PGGT1B: variants seen among roughly 807,000 people sequenced by gnomAD.
The protein encoded by PGGT1B is geranylgeranyl transferase type-1 subunit beta.
A neutral mutation model predicts 46.1 loss-of-function variants in PGGT1B; 30 were observed. The ratio of observed to expected loss-of-function variants is 0.65; its 90% CI spans 0.49 to 0.88. The LOEUF is 0.88. Ranked by LOEUF, PGGT1B falls within the 40% of genes least tolerant of loss-of-function variation. The pLI, the probability that PGGT1B is intolerant of heterozygous loss-of-function variation, is 0.00. For missense variants in PGGT1B, 376 were observed against 455.9 expected, an observed-to-expected ratio of 0.82 and a Z score of 1.60; for synonymous variants, 170 against 160.0, an observed-to-expected ratio of 1.06 and a Z score of -0.47.
At chr5:115,240,186 G>A (rs1757306609) in intron 3 of PGGT1B, among the ~76,000 whole-genome samples, 1 of 152,046 alleles carries the variant, frequency 6.6e-6, no homozygotes, top group African/African-American at 2.4e-5. Flanking sequence ...TCAGGGTGCA[G>A]GTGAATGAAG....
At chr5:115,224,272 CAGTA>C (rs1286174338) in intron 6 of PGGT1B, among the ~76,000 whole-genome samples, 1 of 151,942 alleles carries the variant, frequency 6.6e-6, no homozygotes, top group Non-Finnish European at 1.5e-5. Flanking sequence ...CTCTAATAGA[CAGTA>C]AGTAACCTTT....
intron 5 of PGGT1B, among the ~76,000 whole-genome samples, chr5:115,232,837 G>C (rs907741554): frequency 6.6e-6 from 1 of 152,116 alleles, no homozygotes; most frequent in Non-Finnish European, 1.5e-5. Context: ...GGCTCAAAGA[G>C]TGTAAATTTT....
At chr5:115,239,817 C>T (rs1381951849) in intron 3 of PGGT1B, among the ~76,000 whole-genome samples, 3 of 152,142 alleles carry the variant, frequency 2.0e-5, no homozygotes, top group Non-Finnish European at 4.4e-5. Context: ...TGCTAGAGAG[C>T]ATGGGATTTG....
chr5:115,254,469 G>T (rs995280376), intron 1 of PGGT1B, among the ~76,000 whole-genome samples: 1 of 152,004 alleles, frequency 6.6e-6, no homozygotes, highest in Admixed American at 6.6e-5. Flanking sequence ...GCACTTATGT[G>T]TGGAATTTTT....
At chr5:115,232,981 C>G (rs534400958) in intron 5 of PGGT1B, among the ~76,000 whole-genome samples, 1 of 151,420 alleles carries the variant, frequency 6.6e-6, no homozygotes, top group Admixed American at 6.6e-5. Flanking sequence ...ATAGAACAAC[C>G]CCAGCTACAA....
chr5:115,223,906 T>A (rs1756673464), intron 6 of PGGT1B, among the ~76,000 whole-genome samples: 1 of 152,232 alleles, frequency 6.6e-6, no homozygotes, highest in Admixed American at 6.5e-5. Context: ...GCAATTTAAA[T>A]GCCTTGTTCC....
chr5:115,221,756 C>T lies in PGGT1B; in HGVS notation c.843+68G>A, dbSNP rs75820630. ...AATATTTAATACACATTACAAAGAT[C>T]AAACCTTTTTAGCACAATCTATATG... On this transcript the variant is annotated intron_variant, in intron 7 of 8. Coordinates refer to ENST00000419445, the MANE Select transcript of PGGT1B (RefSeq NM_005023.4). 2,036 of 988,610 alleles carry T rather than the reference C, an allele frequency of 2.1e-3. 32 individuals are homozygous for T. In the African/African-American group the frequency reaches 0.03, roughly 15 times the overall value. 61.2% of individuals were successfully genotyped at this position (988,610 alleles called of 1,614,324 possible).
chr5:115,234,663 G>C (rs1048818071), intron 5 of PGGT1B, among the ~76,000 whole-genome samples: 1 of 151,864 alleles, frequency 6.6e-6, no homozygotes, highest in Non-Finnish European at 1.5e-5. Context: ...ATAGTACTTT[G>C]ACTATATGCC....
rs1756051333 is a variant in PGGT1B, at chr5:115,206,001, T to A, written c.*6401A>T. 1 of 151,896 alleles carries A rather than the reference T, an allele frequency of 6.6e-6. No homozygotes were observed. Among genetic ancestry groups the A allele is most frequent in the South Asian group, 2.1e-4 (1 of 4,824 alleles). 9.4% of individuals were successfully genotyped at this position (151,896 alleles called of 1,614,324 possible). Reference sequence around the variant, plus strand: ...CAATTACTTATGCACTGACCTAATATGTTTATGCAACGTGATACTATGCAA... The same window carrying A: ...CAATTACTTATGCACTGACCTAATAAGTTTATGCAACGTGATACTATGCAA... On this transcript the variant is annotated 3_prime_UTR_variant, in exon 9 of 9. Coordinates refer to ENST00000419445, the MANE Select transcript of PGGT1B (RefSeq NM_005023.4).
At chr5:115,227,564 A>G (rs746893955) in intron 6 of PGGT1B, among the ~76,000 whole-genome samples, 5 of 152,110 alleles carry the variant, frequency 3.3e-5, no homozygotes, top group Admixed American at 2.6e-4. Flanking sequence ...CACAGTCACA[A>G]TCTGGCAGGT....
At position 115,255,847 on chromosome 5, in the gene PGGT1B, C is replaced by T. The variant is rs571910073; in HGVS notation, c.141-2592G>A. ...TCAACACTAGACAATCAAAACTACTCAAGAAGTCTAAGTCCCAAAGTGGTA... is the reference window on the plus strand; with the variant it reads ...TCAACACTAGACAATCAAAACTACTTAAGAAGTCTAAGTCCCAAAGTGGTA... On this transcript the variant is annotated intron_variant, in intron 1 of 8. Coordinates refer to ENST00000419445, the MANE Select transcript of PGGT1B (RefSeq NM_005023.4). Among the ~76,000 whole-genome samples, 12 of 152,216 alleles carry T rather than the reference C, an allele frequency of 7.9e-5. No homozygotes were observed. In the Middle Eastern group the frequency reaches 0.014, roughly 173 times the overall value.
intron 6 of PGGT1B, among the ~76,000 whole-genome samples, chr5:115,230,325 CAG>C (rs1756937391): frequency 6.6e-6 from 1 of 152,104 alleles, no homozygotes; most frequent in South Asian, 2.1e-4. Context: ...GAAATTCACT[CAG>C]AGAGTCTCCA....
intron 1 of PGGT1B, 42 bp from the exon 2 acceptor site, chr5:115,253,297 C>T: frequency 1.3e-6 from 2 of 1,488,758 alleles, no homozygotes; most frequent in South Asian, 1.3e-5. Context: ...ACTATCATAC[C>T]ACTTAAGTCT....
intron 3 of PGGT1B, 130 bp from the exon 4 acceptor site, chr5:115,238,139 TA>T (rs1757240202): frequency 9.5e-6 from 5 of 526,692 alleles, no homozygotes. Context: ...ATAGACATCT[TA>T]TTGAGAAAAA....
chr5:115,243,970 G>A (rs138222923), intron 2 of PGGT1B, among the ~76,000 whole-genome samples: 238 of 152,016 alleles, frequency 1.6e-3, no homozygotes, highest in African/African-American at 5.4e-3. Context: ...CATGACGAAC[G>A]TTTCTGTGTT....
intron 2 of PGGT1B, among the ~76,000 whole-genome samples, chr5:115,250,036 CT>C (rs1748021729): frequency 6.6e-6 from 1 of 151,670 alleles, no homozygotes; most frequent in East Asian, 1.9e-4. Flanking sequence ...TTTAACAATT[CT>C]TTATAGTCGA....
At chr5:115,248,821 G>T (rs921307865) in intron 2 of PGGT1B, among the ~76,000 whole-genome samples, 1 of 152,158 alleles carries the variant, frequency 6.6e-6, no homozygotes, top group African/African-American at 2.4e-5. Flanking sequence ...TTGCGTCTCA[G>T]TTTCCTCTTC....
intron 4 of PGGT1B, 38 bp from the exon 5 acceptor site, chr5:115,236,560 C>T (rs779191705): frequency 2.8e-6 from 4 of 1,437,032 alleles, no homozygotes; most frequent in African/African-American, 3.0e-5. Flanking sequence ...TCTATTAACA[C>T]TGGACTCTGA....
chr5:115,233,532 G>GA (rs1402003626), intron 5 of PGGT1B, among the ~76,000 whole-genome samples: 8 of 110,252 alleles, frequency 7.3e-5, no homozygotes, highest in East Asian at 2.5e-4. Flanking sequence ...TTCCTAAAAA[G>GA]AAAAAAAAGA....
Sources: allele counts gnomAD v4.1 joint callset (sites outside exome capture counted in the v4.1 genomes callset), GRCh38; gene constraint gnomAD v4.1.1; transcripts MANE v1.5; gene names NCBI Gene and HGNC (gene_info 2026-07-23, HGNC 2026-07-21).